Variants in BTBD10 observed in about 807,000 individuals in gnomAD.
BTBD10 encodes BTB domain containing 10.
BTBD10 carries 21 observed loss-of-function variants against 53.2 expected under a neutral mutation model. That is an observed-to-expected ratio of 0.39 (90% CI 0.28 to 0.57). The LOEUF is 0.57. BTBD10 is among the 20% of genes least tolerant of loss of function. The pLI, the probability that BTBD10 is intolerant of heterozygous loss-of-function variation, is 0.53. For synonymous variants in BTBD10, 149 were observed against 192.7 expected, an observed-to-expected ratio of 0.77 and a Z score of 1.88; for missense variants, 360 against 594.7, an observed-to-expected ratio of 0.61 and a Z score of 4.10.
intron 2 of BTBD10, among the ~76,000 whole-genome samples, chr11:13,430,522 T>C (rs1399796593): frequency 2.0e-5 from 3 of 152,190 alleles, no homozygotes; most frequent in African/African-American, 4.8e-5. Flanking sequence ...CATTCCATTA[T>C]GTATTTACCC....
chr11:13,439,770 T>G, intron 2 of BTBD10: 2 of 791,826 alleles, frequency 2.5e-6, no homozygotes, highest in Non-Finnish European at 3.7e-6. Flanking sequence ...TCTTTAGTCA[T>G]GTAAATGATC....
intron 1 of BTBD10, among the ~76,000 whole-genome samples, chr11:13,458,279 C>T (rs941056364): frequency 6.7e-5 from 10 of 148,902 alleles, no homozygotes; most frequent in African/African-American, 1.5e-4. Context: ...TCAAGTAACA[C>T]GGACAGCTGT....
intron 1 of BTBD10, among the ~76,000 whole-genome samples, chr11:13,448,595 T>G (rs1784559570): frequency 6.6e-6 from 1 of 152,218 alleles, no homozygotes; most frequent in African/African-American, 2.4e-5. Flanking sequence ...AAGTCTACTT[T>G]AGAATCTTCT....
At chr11:13,390,800 T>C (rs1175805893) in intron 8 of BTBD10, among the ~76,000 whole-genome samples, 1 of 152,204 alleles carries the variant, frequency 6.6e-6, no homozygotes, top group Admixed American at 6.5e-5. Flanking sequence ...GTAGGCATCA[T>C]TGGTAGCTAG....
chr11:13,452,217 T>A (rs1950874686), intron 1 of BTBD10, among the ~76,000 whole-genome samples: 1 of 152,142 alleles, frequency 6.6e-6, no homozygotes, highest in African/African-American at 2.4e-5. Context: ...GACTCAAAGG[T>A]TACATACCAT....
At chr11:13,434,884 G>A (rs1399167781) in intron 2 of BTBD10, among the ~76,000 whole-genome samples, 1 of 152,172 alleles carries the variant, frequency 6.6e-6, no homozygotes, top group Non-Finnish European at 1.5e-5. Flanking sequence ...TAGGAGGTGA[G>A]AGAAAAAGAA....
chr11:13,455,770 C>A (rs1314263423), intron 1 of BTBD10, among the ~76,000 whole-genome samples: 1 of 152,180 alleles, frequency 6.6e-6, no homozygotes, highest in Admixed American at 6.5e-5. Context: ...ACCCTTTAAA[C>A]AAAGTCAGAC....
intron 2 of BTBD10, among the ~76,000 whole-genome samples, chr11:13,441,216 GTTTC>G (rs989429178): frequency 4.6e-5 from 7 of 152,058 alleles, no homozygotes; most frequent in African/African-American, 7.2e-5. Flanking sequence ...GTTCAGACTA[GTTTC>G]TTTAACTGTA....
At chr11:13,416,997 A>T (rs973131602) in intron 5 of BTBD10, among the ~76,000 whole-genome samples, 161 bp downstream of exon 5, 1 of 152,198 alleles carries the variant, frequency 6.6e-6, no homozygotes, top group Non-Finnish European at 1.5e-5. Context: ...GCAAAATAAA[A>T]ATATAAACAA....
chr11:13,414,844 G>GGA (rs1363813597), intron 5 of BTBD10, among the ~76,000 whole-genome samples: 1 of 85,110 alleles, frequency 1.2e-5, no homozygotes, highest in Admixed American at 1.5e-4. Context: ...CATCTCAAAC[G>GGA]AAAAAAAAAA....
At chr11:13,433,636 T>C (rs6486123) in intron 2 of BTBD10, among the ~76,000 whole-genome samples, 23,918 of 152,194 alleles carry the variant, frequency 0.16, 2,072 homozygotes, top group Admixed American at 0.24. Flanking sequence ...ATTCTACCCA[T>C]TGCCTGATTT....
chr11:13,443,218 C>T lies in BTBD10; in HGVS notation c.101+1806G>A, dbSNP rs7943710. On this transcript the variant is annotated intron_variant, in intron 2 of 8. Transcript: ENST00000278174. ...GCAGTAAGTTGAGATGGTGCCACTG[C>T]GCTCCAGCCTGACAGAGTGAGAACC... 7.4e-3 allele frequency among the ~76,000 whole-genome samples: 1,102 copies of T among 148,452 alleles called. 15 individuals carry two copies. Among genetic ancestry groups the T allele is most frequent in the African/African-American group, 0.025 (1,021 of 40,526 alleles).
intron 5 of BTBD10, among the ~76,000 whole-genome samples, chr11:13,414,379 T>G (rs967030863): frequency 6.6e-6 from 1 of 152,064 alleles, no homozygotes; most frequent in Non-Finnish European, 1.5e-5. Flanking sequence ...CTCAGCCAGG[T>G]ACCATGACTC....
intron 1 of BTBD10, among the ~76,000 whole-genome samples, chr11:13,453,801 C>A (rs1950912245): frequency 6.6e-6 from 1 of 152,140 alleles, no homozygotes; most frequent in Admixed American, 6.5e-5. Flanking sequence ...CACCTGTAAT[C>A]CCAGCACTTT....
At chr11:13,450,301 G>A (rs943845558) in intron 1 of BTBD10, among the ~76,000 whole-genome samples, 1 of 152,088 alleles carries the variant, frequency 6.6e-6, no homozygotes. Context: ...AAGGAGGAGA[G>A]AGAGCCCCAA....
At position 13,388,723 on chromosome 11, in the gene BTBD10, T is replaced by G; in HGVS notation, c.*108A>C. On this transcript the variant is annotated 3_prime_UTR_variant, in exon 9 of 9. Coordinates refer to ENST00000278174, the MANE Select transcript of BTBD10 (RefSeq NM_032320.7). ...AGCCTACACTGCAATATCCTAAACATTGTTATGTGCATCTCACAATGAAGA... is the reference window on the plus strand; with the variant it reads ...AGCCTACACTGCAATATCCTAAACAGTGTTATGTGCATCTCACAATGAAGA... The G allele has an allele frequency of 8.1e-7, 1 of 1,235,372 alleles. No individual in the cohort carries two copies. The highest frequency in any genetic ancestry group is 1.1e-6 in the Non-Finnish European group (1 of 887,190). The allele number at this position is 1,235,372 out of a possible 1,614,324, so 76.5% of individuals were successfully genotyped here.
At chr11:13,413,845 G>T (rs2135801321) in intron 5 of BTBD10, among the ~76,000 whole-genome samples, 195 bp from the exon 6 acceptor site, 1 of 152,208 alleles carries the variant, frequency 6.6e-6, no homozygotes, top group Middle Eastern at 3.4e-3. Context: ...GAAAATTCAG[G>T]TCCAAATGAA....
Position 13,413,573 on chromosome 11 carries a change from AAGAT to A in BTBD10, c.761_764del (p.Tyr254PhefsTer18), listed in dbSNP as rs1386417612. 1 of 1,610,712 alleles carries A rather than the reference AAGAT, an allele frequency of 6.2e-7. No homozygotes were observed. Among genetic ancestry groups the A allele is most frequent in the Non-Finnish European group, 8.5e-7 (1 of 1,177,810 alleles). ...TAGTGCTATATTCAAAAGAGATACA[AAGAT>A]AGTCACATGCTTCTCTCAGTTCAGG... On this transcript the variant is annotated frameshift_variant, in exon 6 of 9. Transcript: ENST00000278174. LOFTEE classifies it high-confidence loss of function.
intron 8 of BTBD10, among the ~76,000 whole-genome samples, chr11:13,396,765 T>C (rs1200307761): frequency 6.6e-6 from 1 of 152,262 alleles, no homozygotes; most frequent in Non-Finnish European, 1.5e-5. Flanking sequence ...TGTTGAATTT[T>C]ATCAAAGGCC....
Sources: allele counts gnomAD v4.1 joint callset (sites outside exome capture counted in the v4.1 genomes callset), GRCh38; gene constraint gnomAD v4.1.1; transcripts MANE v1.5; gene names NCBI Gene and HGNC (gene_info 2026-07-23, HGNC 2026-07-21).